Variants in EPHB1 observed in about 807,000 individuals in gnomAD.
EPHB1 encodes EPH receptor B1.
A neutral mutation model predicts 94.4 loss-of-function variants in EPHB1; 30 were observed. That is an observed-to-expected ratio of 0.32 (90% CI 0.24 to 0.43). The LOEUF (loss-of-function observed/expected upper bound fraction) is 0.43. EPHB1 is among the 20% of genes least tolerant of loss of function. The pLI is 1.00. For missense variants in EPHB1, 1,055 were observed against 1,308.3 expected (o/e 0.81, Z 2.99); for synonymous variants, 522 against 489.1 (o/e 1.07, Z -0.89).
chr3:135,133,124 A>T, intron 5 of EPHB1, 75 bp downstream of exon 5: 3 of 1,397,050 alleles, frequency 2.1e-6, no homozygotes, highest in Non-Finnish European at 2.9e-6. Flanking sequence ...ACACAGCTGC[A>T]GCCACACCCA....
chr3:135,045,013 G>A (rs1217100670), intron 3 of EPHB1, among the ~76,000 whole-genome samples: 1 of 152,192 alleles, frequency 6.6e-6, no homozygotes, highest in Admixed American at 6.5e-5. Flanking sequence ...GTAATTTAAT[G>A]CTGCTGTAGC....
chr3:134,957,085 C>G (rs1018801106), intron 3 of EPHB1, among the ~76,000 whole-genome samples: 1 of 152,088 alleles, frequency 6.6e-6, no homozygotes, highest in Non-Finnish European at 1.5e-5. Context: ...AATGAAGGAC[C>G]AAGTGGAGAG....
intron 3 of EPHB1, among the ~76,000 whole-genome samples, chr3:135,099,330 T>C (rs7430478): frequency 1.2e-5 from 1 of 84,258 alleles, no homozygotes; most frequent in African/African-American, 3.9e-5. Context: ...GACGGATGGA[T>C]GGACGGATGG....
chr3:134,882,780 T>TTCTTTCTTTC (rs2037774513), intron 1 of EPHB1, among the ~76,000 whole-genome samples: 1 of 60,614 alleles, frequency 1.6e-5, no homozygotes, highest in African/African-American at 5.2e-5. Flanking sequence ...CTTTCTTTCT[T>TTCTTTCTTTC]TCTTTCTTTC....
intron 1 of EPHB1, among the ~76,000 whole-genome samples, chr3:134,876,728 G>C (rs2037624811): frequency 6.6e-6 from 1 of 152,192 alleles, no homozygotes; most frequent in Admixed American, 6.5e-5. Flanking sequence ...GGGTAGGTTG[G>C]GGAGGGTATG....
rs1232205799 is a variant in EPHB1 at position 134,811,831 on chromosome 3, G to A, written c.58+16142G>A. On this transcript the variant is annotated intron_variant, in intron 1 of 15. Transcript: ENST00000398015. ...TTTCCAAATCAGTTTTACCCAGTATGGCCCTAAACAGTCGGAAAGGATGTC... is the reference window on the plus strand; with the variant it reads ...TTTCCAAATCAGTTTTACCCAGTATAGCCCTAAACAGTCGGAAAGGATGTC... Among the ~76,000 whole-genome samples the A allele has an allele frequency of 2.0e-5, 3 of 152,192 alleles. No homozygotes were observed. In the East Asian group the frequency reaches 5.8e-4, roughly 29 times the overall value.
chr3:134,895,101 T>G (rs1025520102), intron 1 of EPHB1, among the ~76,000 whole-genome samples: 23 of 152,210 alleles, frequency 1.5e-4, no homozygotes, highest in Non-Finnish European at 2.2e-4. Flanking sequence ...GATTTGCAGT[T>G]TAAAAGATGT....
At chr3:134,996,995 T>C (rs1935016080) in intron 3 of EPHB1, among the ~76,000 whole-genome samples, 1 of 152,192 alleles carries the variant, frequency 6.6e-6, no homozygotes, top group Non-Finnish European at 1.5e-5. Flanking sequence ...TCTTTGGAAG[T>C]TCCTCCTCAC....
intron 1 of EPHB1, among the ~76,000 whole-genome samples, chr3:134,824,125 CTTT>C (rs373504139): frequency 1.2e-4 from 12 of 100,770 alleles, no homozygotes; most frequent in South Asian, 3.8e-4. Flanking sequence ...GGATAATGCC[CTTT>C]TTTTTTTTTT....
chr3:135,054,040 T>TATACACACAC (rs377064799), intron 3 of EPHB1, among the ~76,000 whole-genome samples: 11 of 139,812 alleles, frequency 7.9e-5, no homozygotes, highest in South Asian at 2.4e-4. Flanking sequence ...TATATATATA[T>TATACACACAC]ACACACACAC....
In EPHB1 at chr3:134,951,303, C is replaced by G; in HGVS notation, c.124-68C>G. ...GCCCCAGGATTCTCCTCTGCTATGC[C>G]TATTTTTGTATTCTCACTCTCTATT... On this transcript the variant is annotated intron_variant, in intron 2 of 15. Coordinates refer to ENST00000398015, the MANE Select transcript of EPHB1 (RefSeq NM_004441.5). This position sits in a 1 kb window ranked among gnomAD's most constrained non-coding sequence, Gnocchi z 4.5. 1 of 1,415,996 alleles carries G rather than the reference C, an allele frequency of 7.1e-7. No individual in the cohort carries two copies. The highest frequency in any genetic ancestry group is 9.4e-7 in the Non-Finnish European group (1 of 1,063,048). The allele number at this position is 1,415,996 out of a possible 1,614,324, so 87.7% of individuals were successfully genotyped here.
intron 3 of EPHB1, among the ~76,000 whole-genome samples, chr3:135,035,903 GA>G (rs35539393): frequency 0.25 from 38,664 of 152,166 alleles, 6,394 homozygotes; most frequent in East Asian, 0.71. Context: ...TGGCTCATGG[GA>G]TTTGCCGAAG....
intron 5 of EPHB1, among the ~76,000 whole-genome samples, chr3:135,140,510 A>G (rs550300221): frequency 6.6e-6 from 1 of 152,364 alleles, no homozygotes; most frequent in South Asian, 2.1e-4. Flanking sequence ...AATCTCAGGC[A>G]TCAGCAAATG....
intron 1 of EPHB1, among the ~76,000 whole-genome samples, chr3:134,921,271 C>G (rs1036810590): frequency 6.6e-6 from 1 of 152,172 alleles, no homozygotes; most frequent in African/African-American, 2.4e-5. Flanking sequence ...GTCTCTGTCC[C>G]AAGAGGCAGG....
intron 1 of EPHB1, among the ~76,000 whole-genome samples, chr3:134,917,531 C>T (rs2038599624): frequency 6.6e-6 from 1 of 152,208 alleles, no homozygotes; most frequent in Admixed American, 6.5e-5. Context: ...CCCATCTAAG[C>T]TGCGTCTTCT....
chr3:134,934,687 G>A (rs138015834), intron 2 of EPHB1, among the ~76,000 whole-genome samples: 530 of 151,368 alleles, frequency 3.5e-3, no homozygotes, highest in South Asian at 9.6e-3. Flanking sequence ...GTGTGTGTGC[G>A]GTATGGGTGG....
At chr3:134,795,877 C>T (rs2035814580) in intron 1 of EPHB1, among the ~76,000 whole-genome samples, 188 bp downstream of exon 1, 1 of 152,222 alleles carries the variant, frequency 6.6e-6, no homozygotes, top group South Asian at 2.1e-4. Flanking sequence ...CAGAGCGCCC[C>T]CGGCTGGCTC....
At chr3:134,934,519 G>A (rs1203241494) in intron 2 of EPHB1, among the ~76,000 whole-genome samples, 1 of 152,208 alleles carries the variant, frequency 6.6e-6, no homozygotes, top group Non-Finnish European at 1.5e-5. Flanking sequence ...TGGCTCCATT[G>A]CTTGTGGTTG....
At chr3:135,194,013 G>C (rs1003308928) in intron 11 of EPHB1, among the ~76,000 whole-genome samples, 5 of 152,262 alleles carry the variant, frequency 3.3e-5, no homozygotes, top group African/African-American at 1.2e-4. Flanking sequence ...ATCTTTCTAG[G>C]TGGCCTGCTT....
Sources: allele counts gnomAD v4.1 joint callset (sites outside exome capture counted in the v4.1 genomes callset), GRCh38; gene constraint gnomAD v4.1.1; non-coding constraint Gnocchi (gnomAD v3.1); transcripts MANE v1.5; gene names NCBI Gene and HGNC (gene_info 2026-07-23, HGNC 2026-07-21).